CSMD1: variants seen among roughly 807,000 people sequenced by gnomAD.
CSMD1 encodes CUB and Sushi multiple domains 1, also known as CUB and sushi domain-containing protein 1.
A neutral mutation model predicts 417.5 loss-of-function variants in CSMD1; 213 were observed. That is an observed-to-expected ratio of 0.51 (90% CI 0.46 to 0.57). The LOEUF (loss-of-function observed/expected upper bound fraction) is 0.57. CSMD1 is among the 20% of genes least tolerant of loss of function. The pLI is 0.00. For missense variants in CSMD1, 6,923 were observed against 4,529.7 expected (o/e 1.53, Z -15.17); for synonymous variants, 2,862 against 1,736.8 (o/e 1.65, Z -16.11).
chr8:3,895,500 C>G (rs572659830), intron 5 of CSMD1, among the ~76,000 whole-genome samples: 2 of 151,992 alleles, frequency 1.3e-5, no homozygotes, highest in South Asian at 2.1e-4. Context: ...GGCCTATTAT[C>G]AATTTAAGTG....
chr8:4,181,512 G>A (rs1798374407), intron 3 of CSMD1, among the ~76,000 whole-genome samples: 1 of 151,978 alleles, frequency 6.6e-6, no homozygotes, highest in Non-Finnish European at 1.5e-5. Context: ...AAAATCACCA[G>A]AAAACCTTAC....
chr8:3,916,660 G>A (rs904614211), intron 5 of CSMD1, among the ~76,000 whole-genome samples: 3 of 152,112 alleles, frequency 2.0e-5, no homozygotes, highest in Admixed American at 6.5e-5. Flanking sequence ...CAACCCGGAT[G>A]TATTCATCAC....
At chr8:3,982,684 C>A (rs919514960) in intron 5 of CSMD1, among the ~76,000 whole-genome samples, 1 of 151,718 alleles carries the variant, frequency 6.6e-6, no homozygotes, top group Admixed American at 6.6e-5. Context: ...GGTGGCGGAC[C>A]GGAAGCCTCA....
intron 5 of CSMD1, among the ~76,000 whole-genome samples, chr8:3,757,115 T>C (rs1277728285): frequency 6.6e-6 from 1 of 152,168 alleles, no homozygotes; most frequent in Non-Finnish European, 1.5e-5. Flanking sequence ...AATTGCACTT[T>C]ATTTGCATGC....
At chr8:4,316,200 C>G (rs1360921206) in intron 3 of CSMD1, among the ~76,000 whole-genome samples, 1 of 152,074 alleles carries the variant, frequency 6.6e-6, no homozygotes, top group Non-Finnish European at 1.5e-5. Context: ...GAGCAGGACC[C>G]CATATTCTAA....
intron 5 of CSMD1, among the ~76,000 whole-genome samples, chr8:3,843,484 T>G (rs949479206): frequency 6.6e-6 from 1 of 152,122 alleles, no homozygotes; most frequent in Non-Finnish European, 1.5e-5. Context: ...ACTCGGACTT[T>G]GTGTACATGA....
At chr8:4,529,387 C>A (rs1469390820) in intron 2 of CSMD1, among the ~76,000 whole-genome samples, 2 of 152,128 alleles carry the variant, frequency 1.3e-5, no homozygotes, top group Non-Finnish European at 2.9e-5. Context: ...TAAATCAATA[C>A]CACTTCTCTG....
At chr8:3,138,444 T>C (rs1471123130) in intron 41 of CSMD1, among the ~76,000 whole-genome samples, 1 of 152,116 alleles carries the variant, frequency 6.6e-6, no homozygotes, top group African/African-American at 2.4e-5. Flanking sequence ...ACCACCACAC[T>C]TCATTTTGAA....
intron 2 of CSMD1, among the ~76,000 whole-genome samples, chr8:4,492,728 C>T (rs1007000380): frequency 6.6e-6 from 1 of 152,150 alleles, no homozygotes; most frequent in East Asian, 1.9e-4. Context: ...TGGAAACTGA[C>T]CATGGGCACA....
At chr8:4,817,758 G>A (rs1319774255) in intron 1 of CSMD1, among the ~76,000 whole-genome samples, 1 of 152,190 alleles carries the variant, frequency 6.6e-6, no homozygotes. Context: ...CTATCACGCT[G>A]AGTAGGTACT....
At chr8:4,907,569 T>C (rs1473366387) in intron 1 of CSMD1, among the ~76,000 whole-genome samples, 3 of 152,152 alleles carry the variant, frequency 2.0e-5, no homozygotes, top group Non-Finnish European at 4.4e-5. Context: ...GTTGTTTTAT[T>C]GGTTTTTTGA....
At chr8:3,032,580 G>C (rs776239857) in intron 50 of CSMD1, among the ~76,000 whole-genome samples, 8 of 151,996 alleles carry the variant, frequency 5.3e-5, no homozygotes, top group Non-Finnish European at 1.2e-4. Flanking sequence ...AATAAAAACA[G>C]AACATTTTAC....
chr8:4,173,097 T>C (rs1247721328), intron 3 of CSMD1, among the ~76,000 whole-genome samples: 6 of 152,150 alleles, frequency 3.9e-5, no homozygotes, highest in Non-Finnish European at 5.9e-5. Context: ...GGAAAGGTTG[T>C]ATGAACCACA....
intron 2 of CSMD1, among the ~76,000 whole-genome samples, chr8:4,439,877 C>G (rs1247016834): frequency 6.6e-6 from 1 of 151,958 alleles, no homozygotes; most frequent in Non-Finnish European, 1.5e-5. Context: ...TAATGAGATC[C>G]CAAAAGAGAA....
intron 5 of CSMD1, among the ~76,000 whole-genome samples, chr8:3,978,103 C>T (rs909857716): frequency 6.6e-6 from 1 of 152,188 alleles, no homozygotes; most frequent in Non-Finnish European, 1.5e-5. Flanking sequence ...GAGAAAGTCT[C>T]ATGGGGATAA....
At chr8:3,829,593 G>A (rs373597576) in intron 5 of CSMD1, among the ~76,000 whole-genome samples, 6 of 152,126 alleles carry the variant, frequency 3.9e-5, no homozygotes, top group African/African-American at 1.4e-4. Context: ...TTAGAATAAT[G>A]ATGGGCCCCT....
At chr8:4,045,607 C>A (rs1798109817) in intron 3 of CSMD1, among the ~76,000 whole-genome samples, 1 of 152,144 alleles carries the variant, frequency 6.6e-6, no homozygotes, top group African/African-American at 2.4e-5. Context: ...AATGTTCCTG[C>A]TATTAGCTGC....
intron 3 of CSMD1, among the ~76,000 whole-genome samples, chr8:4,351,696 A>C (rs923705388): frequency 1.3e-5 from 2 of 152,204 alleles, no homozygotes; most frequent in Non-Finnish European, 2.9e-5. Flanking sequence ...TTGAATCCTT[A>C]GGAGGAATTA....
chr8:2,991,660 A>T (rs1176694492), intron 54 of CSMD1, among the ~76,000 whole-genome samples: 1 of 152,260 alleles, frequency 6.6e-6, no homozygotes, highest in Admixed American at 6.5e-5. Flanking sequence ...CTTTTTAAAA[A>T]AAAGCAAAAA....
Sources: allele counts gnomAD v4.1 joint callset (sites outside exome capture counted in the v4.1 genomes callset), GRCh38; gene constraint gnomAD v4.1.1; transcripts MANE v1.5; gene names NCBI Gene and HGNC (gene_info 2026-07-23, HGNC 2026-07-21).